TNFRSF10B: variants seen among roughly 807,000 people sequenced by gnomAD.
TNFRSF10B encodes tumor necrosis factor receptor superfamily member 10B.
A neutral mutation model predicts 41.4 loss-of-function variants in TNFRSF10B; 35 were observed. The ratio of observed to expected loss-of-function variants is 0.85; its 90% CI spans 0.65 to 1.12. The LOEUF is 1.12. Ranked by LOEUF, TNFRSF10B falls within the 50% of genes most tolerant of loss-of-function variation. The pLI is 0.00. For missense variants in TNFRSF10B, 584 were observed against 552.7 expected, an observed-to-expected ratio of 1.06 and a Z score of -0.57; for synonymous variants, 230 against 215.5, an observed-to-expected ratio of 1.07 and a Z score of -0.59.
chr8:23,020,367 C>T lies in TNFRSF10B; in HGVS notation c.*2304G>A. Reference sequence around the variant, plus strand: ...GCCTAATGTAACTAAACAACAAAACCCCCAATTATTTCATGTCGTCAGGAA... The same window carrying T: ...GCCTAATGTAACTAAACAACAAAACTCCCAATTATTTCATGTCGTCAGGAA... On this transcript the variant is annotated 3_prime_UTR_variant, in exon 9 of 9. Coordinates refer to ENST00000276431, the MANE Select transcript of TNFRSF10B (RefSeq NM_003842.5). 2.2e-6 allele frequency: 1 copy of T among 454,020 alleles called. No individual in the cohort carries two copies. Among genetic ancestry groups the T allele is most frequent in the South Asian group, 1.6e-5 (1 of 64,468 alleles). 28.1% of individuals were successfully genotyped at this position (454,020 alleles called of 1,614,324 possible). A position where few individuals can be genotyped will look rare whatever the true frequency, so the allele number is the denominator to read the frequency against.
rs374813688 is a variant in TNFRSF10B, at chr8:23,068,929, C to G, written c.-35G>C. On this transcript the variant is annotated 5_prime_UTR_variant, in exon 1 of 9. Coordinates refer to ENST00000276431, the MANE Select transcript of TNFRSF10B (RefSeq NM_003842.5). ...GAACGCTCTTATAGTCTCTCAGGCC[C>G]GTGGGTTTCAGCCCTTAAAGTAGAT... 22 of 1,612,940 alleles carry G rather than the reference C, an allele frequency of 1.4e-5. No homozygotes were observed. In the Admixed American group the frequency reaches 3.2e-4, roughly 23 times the overall value.
At chr8:23,032,427 G>A (rs1405124389) in intron 2 of TNFRSF10B, among the ~76,000 whole-genome samples, 1 of 152,180 alleles carries the variant, frequency 6.6e-6, no homozygotes, top group East Asian at 1.9e-4. Flanking sequence ...AAGCTGCCCT[G>A]GAATGAGGAT....
intron 1 of TNFRSF10B, chr8:23,068,329 G>C (rs1313710082): frequency 4.4e-6 from 1 of 225,922 alleles, no homozygotes; most frequent in Non-Finnish European, 8.9e-6. Flanking sequence ...TCATTCGAAG[G>C]CGCAAAAGAA....
intron 1 of TNFRSF10B, chr8:23,068,186 G>C (rs918649794): frequency 6.5e-6 from 1 of 154,946 alleles, no homozygotes; most frequent in Non-Finnish European, 1.4e-5. Context: ...CGCTAAGGAG[G>C]GGAAGGGGCC....
chr8:23,042,742 C>G (rs1812241577), intron 2 of TNFRSF10B, among the ~76,000 whole-genome samples: 2 of 152,220 alleles, frequency 1.3e-5, no homozygotes, highest in African/African-American at 4.8e-5. Context: ...CCCACAGCAG[C>G]CCCCTGCTGT....
rs115164877 is a variant in TNFRSF10B at position 23,021,911 on chromosome 8, C to T, written c.*760G>A. On this transcript the variant is annotated 3_prime_UTR_variant, in exon 9 of 9. Transcript: ENST00000276431. ...ATTCACATAACTATGTAAACAAGTA[C>T]ATTTACTAAAGTTTCTTCATGTTCA... The T allele has an allele frequency of 3.9e-4, 176 of 453,712 alleles. 1 individual carries two copies. The highest frequency in any genetic ancestry group is 3.2e-3 in the African/African-American group (158 of 50,058). 28.1% of individuals were successfully genotyped at this position (453,712 alleles called of 1,614,324 possible).
intron 1 of TNFRSF10B, among the ~76,000 whole-genome samples, chr8:23,061,043 C>T (rs753038413): frequency 2.6e-5 from 4 of 152,114 alleles, no homozygotes; most frequent in Non-Finnish European, 2.9e-5. Flanking sequence ...TTTAGATATA[C>T]CCCACGGCAA....
chr8:23,022,103 A>G lies in TNFRSF10B; in HGVS notation c.*568T>C. The G allele has an allele frequency of 2.4e-6, 1 of 423,356 alleles. No homozygotes were observed. Among genetic ancestry groups the G allele is most frequent in the South Asian group, 1.7e-5 (1 of 58,746 alleles). 26.2% of individuals were successfully genotyped at this position (423,356 alleles called of 1,614,324 possible). A position where few individuals can be genotyped will look rare whatever the true frequency, so the allele number is the denominator to read the frequency against. On this transcript the variant is annotated 3_prime_UTR_variant, in exon 9 of 9. Coordinates refer to ENST00000276431, the MANE Select transcript of TNFRSF10B (RefSeq NM_003842.5). ...GAGAGCCCCTATATCTAGACAAAAT[A>G]CAAAAAATTAGCCGGGCGTGGTGGT...
chr8:23,030,641 T>A, intron 3 of TNFRSF10B, 118 bp downstream of exon 3: 1 of 746,200 alleles, frequency 1.3e-6, no homozygotes, highest in Non-Finnish European at 2.4e-6. Flanking sequence ...TCATGGAACA[T>A]GGTATGATGA....
intron 7 of TNFRSF10B, among the ~76,000 whole-genome samples, chr8:23,026,563 G>A (rs1220636349): frequency 6.6e-6 from 1 of 152,112 alleles, no homozygotes; most frequent in East Asian, 1.9e-4. Flanking sequence ...TATGTTCGAG[G>A]GAAGGACTTT....
At chr8:23,035,870 A>G (rs1384389464) in intron 2 of TNFRSF10B, among the ~76,000 whole-genome samples, 1 of 152,188 alleles carries the variant, frequency 6.6e-6, no homozygotes, top group Non-Finnish European at 1.5e-5. Flanking sequence ...AAAATGTGCT[A>G]GTTTTGAGTG....
chr8:23,051,700 G>A (rs781461153), intron 1 of TNFRSF10B, among the ~76,000 whole-genome samples: 12 of 151,836 alleles, frequency 7.9e-5, no homozygotes, highest in Admixed American at 1.3e-4. Flanking sequence ...GCCCGCCACC[G>A]CGCCTGGTTA....
intron 1 of TNFRSF10B, among the ~76,000 whole-genome samples, chr8:23,060,507 T>C (rs1455468026): frequency 6.6e-6 from 1 of 152,242 alleles, no homozygotes; most frequent in Non-Finnish European, 1.5e-5. Context: ...ATTTATCTGC[T>C]TTTATGTCAG....
intron 2 of TNFRSF10B, among the ~76,000 whole-genome samples, chr8:23,034,174 GCA>G (rs970106942): frequency 1.2e-4 from 18 of 152,316 alleles, no homozygotes; most frequent in African/African-American, 3.4e-4. Flanking sequence ...AAGTACAGGA[GCA>G]CAGTGTTTGC....
At chr8:23,049,193 A>G (rs1812450213) in intron 1 of TNFRSF10B, among the ~76,000 whole-genome samples, 1 of 152,224 alleles carries the variant, frequency 6.6e-6, no homozygotes, top group African/African-American at 2.4e-5. Context: ...CAACTGTGTC[A>G]GTACTGACTG....
intron 6 of TNFRSF10B, 101 bp from the exon 7 acceptor site, chr8:23,027,389 C>T: frequency 2.1e-6 from 3 of 1,461,052 alleles, no homozygotes; most frequent in South Asian, 2.3e-5. Context: ...CATCCCCACC[C>T]CCTCTCAGTG....
rs149114304 is a variant in TNFRSF10B, at chr8:23,067,694, G to C, written c.144+1057C>G. On this transcript the variant is annotated intron_variant, in intron 1 of 8. Transcript: ENST00000276431. ...CAAGGACATACTGTGGTGTGGGGCG[G>C]AAACAGTGAAAACATGAGGTGTGTA... 2.9e-3 allele frequency among the ~76,000 whole-genome samples: 435 copies of C among 152,266 alleles called. 4 individuals are homozygous for C. Among genetic ancestry groups the C allele is most frequent in the African/African-American group, 1.0e-2 (415 of 41,552 alleles).
chr8:23,038,373 G>A (rs954007858), intron 2 of TNFRSF10B, among the ~76,000 whole-genome samples: 11 of 152,184 alleles, frequency 7.2e-5, no homozygotes, highest in African/African-American at 1.4e-4. Flanking sequence ...AATGCACAGC[G>A]AAAGAAGCTT....
chr8:23,068,709 A>G lies in TNFRSF10B; in HGVS notation c.144+42T>C, dbSNP rs1169004825. The G allele has an allele frequency of 9.7e-6, 15 of 1,547,250 alleles. No individual in the cohort carries two copies. In the Admixed American group the frequency reaches 2.7e-4, roughly 28 times the overall value. On this transcript the variant is annotated intron_variant, in intron 1 of 8. Coordinates refer to ENST00000276431, the MANE Select transcript of TNFRSF10B (RefSeq NM_003842.5). ...TCTCTCCCTGCCCTCTCCAGGCGCC[A>G]GGCACGCTCTTCCCCAGCCAGGGAC...
Sources: allele counts gnomAD v4.1 joint callset (sites outside exome capture counted in the v4.1 genomes callset), GRCh38; gene constraint gnomAD v4.1.1; transcripts MANE v1.5; gene names NCBI Gene and HGNC (gene_info 2026-07-23, HGNC 2026-07-21).